TRPV1: variants seen among roughly 807,000 people sequenced by gnomAD.
TRPV1 encodes OTRPC1.
A neutral mutation model predicts 82.3 loss-of-function variants in TRPV1; 82 were observed. The ratio of observed to expected loss-of-function variants is 1.00; its 90% confidence interval spans 0.83 to 1.20. The LOEUF (loss-of-function observed/expected upper bound fraction) is 1.20. Ranked by LOEUF, TRPV1 falls within the 50% of genes most tolerant of loss-of-function variation. TRPV1 has a pLI of 0.00. For synonymous variants in TRPV1, 515 were observed against 467.7 expected (o/e 1.10, Z -1.30); for missense variants, 1,067 against 1,096.8 (o/e 0.97, Z 0.38).
At chr17:3,572,277 G>A in intron 14 of TRPV1, 28 bp from the exon 15 acceptor site, 1 of 1,587,346 alleles carries the variant, frequency 6.3e-7, no homozygotes, top group South Asian at 1.1e-5. Flanking sequence ...GGGCAGAGGA[G>A]CTGAGGGGCA....
chr17:3,581,917 A>G (rs531739347), intron 10 of TRPV1, among the ~76,000 whole-genome samples: 184 of 142,882 alleles, frequency 1.3e-3, no homozygotes, highest in African/African-American at 1.6e-3. Context: ...GGGGCCAGGC[A>G]CAGTGGCTCA....
At chr17:3,602,959 T>C (rs2075274579) in intron 2 of TRPV1, among the ~76,000 whole-genome samples, 1 of 151,870 alleles carries the variant, frequency 6.6e-6, no homozygotes, top group African/African-American at 2.4e-5. Flanking sequence ...CCGTCTCTAC[T>C]AAAAATACAA....
intron 8 of TRPV1, among the ~76,000 whole-genome samples, chr17:3,587,813 C>CA (rs534094662): frequency 0.021 from 1,668 of 79,892 alleles, 20 homozygotes; most frequent in South Asian, 0.076. Flanking sequence ...AACTTCGTCT[C>CA]AAAAAAAAAA....
chr17:3,597,908 G>A (rs1176345036), intron 2 of TRPV1, among the ~76,000 whole-genome samples: 5 of 152,042 alleles, frequency 3.3e-5, no homozygotes, highest in African/African-American at 9.7e-5. Flanking sequence ...TCCTGACCTC[G>A]TCATCCACCT....
intron 2 of TRPV1, among the ~76,000 whole-genome samples, chr17:3,597,796 C>T (rs1305076830): frequency 6.6e-6 from 1 of 151,786 alleles, no homozygotes; most frequent in Non-Finnish European, 1.5e-5. Flanking sequence ...GCCTCAGCCT[C>T]CCGAATAGCT....
chr17:3,583,166 C>CG lies in TRPV1; in HGVS notation c.1476+171dup, dbSNP rs527622635. Among the ~76,000 whole-genome samples, 4 of 152,260 alleles carry CG rather than the reference C, an allele frequency of 2.6e-5. No homozygotes were observed. The South Asian group carries it at 8.3e-4, about 32-fold the overall frequency. ...TGTGGAGACGCCCTGAGCACCCTCC[C>CG]GCCCCGCGGTGACTGACTGAAGGGC... On this transcript the variant is annotated intron_variant, in intron 10 of 16. Coordinates refer to ENST00000572705, the MANE Select transcript of TRPV1 (RefSeq NM_080704.4).
intron 13 of TRPV1, among the ~76,000 whole-genome samples, chr17:3,576,113 T>TG (rs2074925129): frequency 6.6e-6 from 1 of 151,542 alleles, no homozygotes; most frequent in South Asian, 2.1e-4. Context: ...TCCCAGCTAC[T>TG]GGGGAGGCTG....
chr17:3,604,929 G>A (rs1390947239), intron 2 of TRPV1, among the ~76,000 whole-genome samples: 2 of 152,082 alleles, frequency 1.3e-5, no homozygotes, highest in African/African-American at 2.4e-5. Context: ...CCCCTCAGGC[G>A]GGCATGCAAG....
At chr17:3,601,413 C>T (rs982934017) in intron 2 of TRPV1, among the ~76,000 whole-genome samples, 1 of 151,944 alleles carries the variant, frequency 6.6e-6, no homozygotes, top group African/African-American at 2.4e-5. Context: ...TCTCCTCTCC[C>T]ACCGAAACCC....
chr17:3,597,907 C>T (rs553027994), intron 2 of TRPV1, among the ~76,000 whole-genome samples: 3 of 152,204 alleles, frequency 2.0e-5, no homozygotes, highest in African/African-American at 4.8e-5. Flanking sequence ...CTCCTGACCT[C>T]GTCATCCACC....
At chr17:3,583,125 T>C (rs544865652) in intron 10 of TRPV1, among the ~76,000 whole-genome samples, 1 of 152,258 alleles carries the variant, frequency 6.6e-6, no homozygotes, top group South Asian at 2.1e-4. Context: ...ACTTTCAAGC[T>C]TGCCTGCCTT....
intron 2 of TRPV1, among the ~76,000 whole-genome samples, chr17:3,607,461 C>T (rs2075303346): frequency 6.6e-6 from 1 of 152,046 alleles, no homozygotes; most frequent in Non-Finnish European, 1.5e-5. Context: ...GTTTTTTCTA[C>T]ACATACATAT....
At chr17:3,600,815 C>T (rs1019423695) in intron 2 of TRPV1, among the ~76,000 whole-genome samples, 1 of 152,116 alleles carries the variant, frequency 6.6e-6, no homozygotes, top group African/African-American at 2.4e-5. Flanking sequence ...CTCTTCTTGC[C>T]GTTCCCCACA....
In TRPV1 at chr17:3,577,586, C is replaced by A; in HGVS notation, c.1713+12G>T. 6.4e-7 allele frequency: 1 copy of A among 1,567,592 alleles called. No homozygotes were observed. Among genetic ancestry groups the A allele is most frequent in the East Asian group, 2.4e-5 (1 of 42,022 alleles). On this transcript the variant is annotated intron_variant, in intron 12 of 16. Coordinates refer to ENST00000572705, the MANE Select transcript of TRPV1 (RefSeq NM_080704.4). ...GGCTCTGAGGAGACCCACTGGGGCC[C>A]AGGGAACCCACCTTCTCTATCATGA...
intron 7 of TRPV1, chr17:3,588,813 T>TAAAAAAAAAA: frequency 4.4e-6 from 4 of 903,026 alleles, no homozygotes; most frequent in Non-Finnish European, 4.7e-6. Flanking sequence ...AAACCTCATC[T>TAAAAAAAAAA]AAAAAAAAAA....
intron 10 of TRPV1, among the ~76,000 whole-genome samples, chr17:3,581,943 C>T (rs1210695104): frequency 4.1e-5 from 6 of 146,764 alleles, no homozygotes; most frequent in Admixed American, 1.4e-4. Context: ...GTAATCCCAG[C>T]ACTTTGGGAG....
At chr17:3,573,538 A>ACCCCCCCCC in intron 14 of TRPV1, 95 bp downstream of exon 14, 1 of 248,458 alleles carries the variant, frequency 4.0e-6, no homozygotes, top group Non-Finnish European at 7.9e-6. Context: ...CACCGCCCCC[A>ACCCCCCCCC]CCACCCACCC....
intron 5 of TRPV1, among the ~76,000 whole-genome samples, chr17:3,590,648 A>C (rs2075145361): frequency 6.6e-6 from 1 of 152,198 alleles, no homozygotes; most frequent in African/African-American, 2.4e-5. Context: ...CCCGGGGGCA[A>C]GGAACAGCAG....
At chr17:3,569,977 G>GGGCCAAGCGGTCAGGGAGGAGC (rs2074829059) in intron 16 of TRPV1, among the ~76,000 whole-genome samples, 5 of 136,616 alleles carry the variant, frequency 3.7e-5, no homozygotes, top group African/African-American at 1.4e-4. Flanking sequence ...CAGGGAGGAG[G>GGGCCAAGCGGTCAGGGAGGAGC]GGCCAAGCGG....
Sources: allele counts gnomAD v4.1 joint callset (sites outside exome capture counted in the v4.1 genomes callset), GRCh38; gene constraint gnomAD v4.1.1; transcripts MANE v1.5; gene names NCBI Gene and HGNC (gene_info 2026-07-23, HGNC 2026-07-21).